The following MGA variants were observed in gnomAD, a reference collection of about 807,000 sequenced individuals.
MGA encodes the protein MAX gene-associated protein.
A neutral mutation model predicts 261.1 loss-of-function variants in MGA; 40 were observed. The observed-to-expected ratio is 0.15, with a 90% CI of 0.12 to 0.20. The LOEUF is 0.20. MGA is among the 10% of genes least tolerant of loss of function. The pLI, the probability that MGA is intolerant of heterozygous loss-of-function variation, is 1.00. For missense variants in MGA, 3,397 were observed against 3,630.5 expected, an observed-to-expected ratio of 0.94 and a Z score of 1.65; for synonymous variants, 1,302 against 1,290.6, an observed-to-expected ratio of 1.01 and a Z score of -0.19.
chr15:41,756,851 C>T (rs2079456220), intron 18 of MGA, among the ~76,000 whole-genome samples: 1 of 152,054 alleles, frequency 6.6e-6, no homozygotes, highest in Non-Finnish European at 1.5e-5. Context: ...GCCTTGGCCT[C>T]CTAAAGTTCT....
Position 41,769,318 on chromosome 15 carries a change from TTAAG to T in MGA, c.*2039_*2042del, listed in dbSNP as rs1244961974. 2 of 149,470 alleles carry T rather than the reference TTAAG, an allele frequency of 1.3e-5. No individual in the cohort carries two copies. Among genetic ancestry groups the T allele is most frequent in the African/African-American group, 5.0e-5 (2 of 39,810 alleles). The allele number at this position is 149,470 out of a possible 1,614,324, so 9.3% of individuals were successfully genotyped here. On this transcript the variant is annotated 3_prime_UTR_variant, in exon 24 of 24. Coordinates refer to ENST00000219905, the MANE Select transcript of MGA (RefSeq NM_001164273.2). Reference sequence around the variant, plus strand: ...CACTTCCTTTTTTTTTTTTTTTTTTTTAAGAAGAATATAGGTAAACAGGTAATGA... The same window carrying T: ...CACTTCCTTTTTTTTTTTTTTTTTTTAAGAATATAGGTAAACAGGTAATGA...
intron 5 of MGA, among the ~76,000 whole-genome samples, chr15:41,700,621 T>A (rs746337947): frequency 3.3e-5 from 5 of 152,226 alleles, no homozygotes; most frequent in Non-Finnish European, 5.9e-5. Context: ...TTTATTTTAT[T>A]GTAATGCATT....
At chr15:41,630,274 G>A (rs2056559860) in intron 1 of MGA, among the ~76,000 whole-genome samples, 1 of 151,910 alleles carries the variant, frequency 6.6e-6, no homozygotes, top group Non-Finnish European at 1.5e-5. Context: ...CCCCAATTTC[G>A]ACGGATAAAA....
chr15:41,759,885 G>A (rs1324203332), intron 19 of MGA, among the ~76,000 whole-genome samples: 1 of 152,162 alleles, frequency 6.6e-6, no homozygotes, highest in East Asian at 1.9e-4. Flanking sequence ...GATAGGAATG[G>A]TTGGAGAGAA....
intron 11 of MGA, among the ~76,000 whole-genome samples, chr15:41,734,167 C>T (rs544515664): frequency 2.0e-5 from 3 of 151,990 alleles, no homozygotes; most frequent in Non-Finnish European, 4.4e-5. Flanking sequence ...CTCGGCCTCT[C>T]GGAATGCTGG....
rs1443024304 is a variant in MGA at position 41,696,104 on chromosome 15, C to T, written c.1094C>T (p.Ser365Phe). The change falls in exon 3 of 24, where the codon TCC (serine) becomes TTC (phenylalanine). Residue 365 changes from serine to phenylalanine, a missense_variant. Physicochemically the swap from Ser to Phe is radical, Grantham distance 155 (BLOSUM62 -2). Transcript: ENST00000219905. Reference sequence around the variant, plus strand: ...ATTGCCAGCAGTTTTGAAGATGACTCCCGTGTAGCCTCACCGTTAGACCAG... The same window carrying T: ...ATTGCCAGCAGTTTTGAAGATGACTTCCGTGTAGCCTCACCGTTAGACCAG... 1 of 1,611,764 alleles carries T rather than the reference C, an allele frequency of 6.2e-7. No individual in the cohort carries two copies. Among genetic ancestry groups the T allele is most frequent in the African/African-American group, 1.3e-5 (1 of 74,818 alleles).
chr15:41,739,511 TATC>T (rs1182551390), intron 13 of MGA, among the ~76,000 whole-genome samples: 2 of 152,220 alleles, frequency 1.3e-5, no homozygotes, highest in African/African-American at 4.8e-5. Context: ...TCTCTGGTCT[TATC>T]AGAGAGATTC....
rs1767304851 is a variant in MGA, at chr15:41,694,368, A to G, written c.1065-1707A>G. ...GAGGTGGAGGTTGCCACTGTACTCC[A>G]GCCTGGGTGACAGAGCAAGACCCCA... On this transcript the variant is annotated intron_variant, in intron 2 of 23. Coordinates refer to ENST00000219905, the MANE Select transcript of MGA (RefSeq NM_001164273.2). 3.3e-5 allele frequency among the ~76,000 whole-genome samples: 5 copies of G among 152,240 alleles called. No individual in the cohort carries two copies. The South Asian group carries it at 1.0e-3, about 32-fold the overall frequency.
At chr15:41,669,981 T>C in intron 2 of MGA, 23 bp downstream of exon 2, 2 of 1,571,106 alleles carry the variant, frequency 1.3e-6, no homozygotes, top group South Asian at 1.1e-5. Context: ...TTTTCTGTTC[T>C]TAGAAATAAA....
intron 19 of MGA, 83 bp downstream of exon 19, chr15:41,757,922 A>C: frequency 8.4e-7 from 1 of 1,188,750 alleles, no homozygotes; most frequent in Admixed American, 2.0e-5. Flanking sequence ...CATTAGCTAT[A>C]TTAGCCACGA....
rs1378977098 is a variant in MGA, at chr15:41,769,009, G to A, written c.*1729G>A. On this transcript the variant is annotated 3_prime_UTR_variant, in exon 24 of 24. Coordinates refer to ENST00000219905, the MANE Select transcript of MGA (RefSeq NM_001164273.2). ...AGGTTACTAAAGAAGCCTGAAGTAG[G>A]TAAAGAGTGCTCCTCAGCTTCTTAT... The A allele has an allele frequency of 1.3e-5, 2 of 152,588 alleles. No homozygotes were observed. 9.5% of individuals were successfully genotyped at this position (152,588 alleles called of 1,614,324 possible). A position where few individuals can be genotyped will look rare whatever the true frequency, so the allele number is the denominator to read the frequency against.
At chr15:41,715,581 C>G (rs750898984) in intron 9 of MGA, among the ~76,000 whole-genome samples, 2 of 151,864 alleles carry the variant, frequency 1.3e-5, no homozygotes, top group Admixed American at 1.3e-4. Context: ...TCATATTTCC[C>G]CCAAATGCCT....
chr15:41,762,193 G>T lies in MGA; in HGVS notation c.7575G>T (p.Glu2525Asp). The change falls in exon 22 of 24, where the codon GAG becomes GAT. Residue 2525 changes from glutamate to aspartate, a missense_variant. Glu to Asp is a conservative substitution (Grantham distance 45, BLOSUM62 2). Around this residue, in one of 9 missense-constraint regions of MGA, gnomAD observed 647 missense variants for 642.4 expected, o/e 1.01. Coordinates refer to ENST00000219905, the MANE Select transcript of MGA (RefSeq NM_001164273.2). The stretch of plus-strand genomic sequence containing the variant: ...TTTATGCAAAACAGCAAGCACTAGA[G>T]GCACAAAAAAGAAAAAAGAAGATGG... The T allele has an allele frequency of 6.2e-7, 1 of 1,613,790 alleles. No individual in the cohort carries two copies. Among genetic ancestry groups the T allele is most frequent in the Non-Finnish European group, 8.5e-7 (1 of 1,179,820 alleles).
rs1567121843 is a variant in MGA, at chr15:41,768,294, T to C, written c.*1014T>C. The C allele has an allele frequency of 2.0e-5, 3 of 152,680 alleles. No homozygotes were observed. Among genetic ancestry groups the C allele is most frequent in the South Asian group, 2.1e-4 (1 of 4,828 alleles). The allele number at this position is 152,680 out of a possible 1,614,324, so 9.5% of individuals were successfully genotyped here. ...AAGGCAGTATTTGAATCACAAGATA[T>C]ATTTTTTATCTGCAACCATGGATCC... On this transcript the variant is annotated 3_prime_UTR_variant, in exon 24 of 24. Transcript: ENST00000219905.
At chr15:41,659,425 G>A (rs1031703179), upstream of MGA, among the ~76,000 whole-genome samples, 1 of 152,104 alleles carries the variant, frequency 6.6e-6, no homozygotes, top group African/African-American at 2.4e-5. Flanking sequence ...TATCAAAGAA[G>A]GCAGTTTTGG....
At position 41,673,865 on chromosome 15, in the gene MGA, A is replaced by C. The variant is rs542334532; in HGVS notation, c.1064+3907A>C. On this transcript the variant is annotated intron_variant, in intron 2 of 23. Transcript: ENST00000219905. ...TGGCCATCTTGTAGTCTTATCTATG[A>C]CTTTGACCTCTTCTCCCATCTAATA... 1.1e-4 allele frequency among the ~76,000 whole-genome samples: 16 copies of C among 151,838 alleles called. No individual in the cohort carries two copies. In the South Asian group the frequency reaches 2.9e-3, roughly 28 times the overall value.
intron 1 of MGA, among the ~76,000 whole-genome samples, chr15:41,622,012 C>T (rs2056306207): frequency 7.3e-6 from 1 of 136,888 alleles, no homozygotes; most frequent in Non-Finnish European, 1.5e-5. Flanking sequence ...ACGAGGTTGG[C>T]AGCGCGTGCT....
In MGA at chr15:41,708,298, T is replaced by A. The variant is rs2060216719; in HGVS notation, c.2425+90T>A. Reference sequence around the variant, plus strand: ...GTAAGTCTTGGTTGTTTTTCTTCATTCCTTCTCGCCATGGGTTTTTTGTTG... The same window carrying A: ...GTAAGTCTTGGTTGTTTTTCTTCATACCTTCTCGCCATGGGTTTTTTGTTG... On this transcript the variant is annotated intron_variant, in intron 7 of 23. Coordinates refer to ENST00000219905, the MANE Select transcript of MGA (RefSeq NM_001164273.2). 5.3e-6 allele frequency: 5 copies of A among 943,802 alleles called. No individual in the cohort carries two copies. In the Admixed American group the frequency reaches 1.1e-4, roughly 20 times the overall value. 58.5% of individuals were successfully genotyped at this position (943,802 alleles called of 1,614,324 possible). A position where few individuals can be genotyped will look rare whatever the true frequency, so the allele number is the denominator to read the frequency against.
chr15:41,646,165 C>A (rs2056929439), intron 1 of MGA, among the ~76,000 whole-genome samples: 1 of 152,100 alleles, frequency 6.6e-6, no homozygotes, highest in Admixed American at 6.6e-5. Flanking sequence ...TCTTTGGCAG[C>A]TATAGTCAGA....
Sources: allele counts gnomAD v4.1 joint callset (sites outside exome capture counted in the v4.1 genomes callset), GRCh38; gene constraint gnomAD v4.1.1; regional missense constraint gnomAD v4.1.1; transcripts MANE v1.5; gene names NCBI Gene and HGNC (gene_info 2026-07-23, HGNC 2026-07-21).